Variants in RPAP2 observed in about 807,000 individuals in gnomAD.
RPAP2 encodes RNA polymerase II associated protein 2.
In RPAP2, 52 loss-of-function variants were observed where a neutral mutation model predicts 73.1. The observed-to-expected ratio is 0.71, with a 90% CI of 0.57 to 0.90. The LOEUF (loss-of-function observed/expected upper bound fraction) is 0.90. Ranked by LOEUF, RPAP2 falls within the 40% of genes least tolerant of loss-of-function variation. The pLI is 0.00. For synonymous variants in RPAP2, 225 were observed against 242.1 expected (o/e 0.93, Z 0.65); for missense variants, 598 against 701.8 (o/e 0.85, Z 1.67).
intron 5 of RPAP2, among the ~76,000 whole-genome samples, chr1:92,306,573 A>T (rs1211490806): frequency 6.6e-6 from 1 of 152,212 alleles, no homozygotes; most frequent in Non-Finnish European, 1.5e-5. Flanking sequence ...TTTTAAACAA[A>T]AGAAGTGGCT....
chr1:92,399,129 G>A lies in RPAP2; in HGVS notation c.*12118G>A, dbSNP rs981299580. The A allele has an allele frequency of 6.6e-6, 1 of 152,162 alleles. No homozygotes were observed. The highest frequency in any genetic ancestry group is 1.5e-5 in the Non-Finnish European group (1 of 68,034). 9.4% of individuals were successfully genotyped at this position (152,162 alleles called of 1,614,324 possible). Reference sequence around the variant, plus strand: ...TTAAATGAGCTGGCCTCACCTCTGGGGCCTATGAAGAAAAGCCTGCTTCAA... The same window carrying A: ...TTAAATGAGCTGGCCTCACCTCTGGAGCCTATGAAGAAAAGCCTGCTTCAA... On this transcript the variant is annotated 3_prime_UTR_variant, in exon 13 of 13. Transcript: ENST00000610020.
chr1:92,383,375 A>C (rs1026452429), intron 12 of RPAP2, among the ~76,000 whole-genome samples: 1 of 152,168 alleles, frequency 6.6e-6, no homozygotes, highest in African/African-American at 2.4e-5. Context: ...GGCCATTTTC[A>C]CGACATTGAT....
At chr1:92,362,599 C>T (rs961691352) in intron 11 of RPAP2, among the ~76,000 whole-genome samples, 6 of 152,108 alleles carry the variant, frequency 3.9e-5, no homozygotes, top group Non-Finnish European at 7.4e-5. Flanking sequence ...TTGAAAATTC[C>T]GAGTGCAGCA....
chr1:92,366,497 A>G (rs1160342414), intron 11 of RPAP2, among the ~76,000 whole-genome samples: 1 of 152,190 alleles, frequency 6.6e-6, no homozygotes, highest in African/African-American at 2.4e-5. Flanking sequence ...ACAGGGTGAC[A>G]GGTTCGTTCT....
chr1:92,302,259 A>T (rs1386157775), intron 3 of RPAP2, among the ~76,000 whole-genome samples: 2 of 151,968 alleles, frequency 1.3e-5, no homozygotes, highest in Middle Eastern at 3.2e-3. Context: ...TCTGGGCAAC[A>T]AGAGTGAGAC....
chr1:92,366,852 G>C (rs1387687723), intron 11 of RPAP2, among the ~76,000 whole-genome samples: 4 of 152,100 alleles, frequency 2.6e-5, no homozygotes, highest in African/African-American at 9.7e-5. Context: ...TTGACCCTTG[G>C]TGTTACTGGT....
At chr1:92,308,189 A>C (rs183531103) in intron 6 of RPAP2, among the ~76,000 whole-genome samples, 36 of 152,222 alleles carry the variant, frequency 2.4e-4, no homozygotes, top group Admixed American at 7.9e-4. Context: ...GATGGCAGAC[A>C]CCTCTGCCTG....
chr1:92,373,429 C>G (rs1179292776), intron 11 of RPAP2, among the ~76,000 whole-genome samples: 1 of 152,126 alleles, frequency 6.6e-6, no homozygotes, highest in African/African-American at 2.4e-5. Context: ...GGTTACTAAG[C>G]ATCCTCCATC....
At chr1:92,332,101 C>G (rs1433832142) in intron 8 of RPAP2, among the ~76,000 whole-genome samples, 1 of 151,488 alleles carries the variant, frequency 6.6e-6, no homozygotes, top group East Asian at 1.9e-4. Flanking sequence ...CATTCTGCCT[C>G]TTCTCTTTAG....
chr1:92,304,976 A>C (rs1372313301), intron 5 of RPAP2, among the ~76,000 whole-genome samples: 1 of 152,020 alleles, frequency 6.6e-6, no homozygotes, highest in Non-Finnish European at 1.5e-5. Flanking sequence ...CTCTACAAAA[A>C]GTACAAAAAT....
rs1460264882 is a variant in RPAP2, at chr1:92,388,579, G to T, written c.*1568G>T. The T allele has an allele frequency of 6.6e-6, 1 of 152,264 alleles. No homozygotes were observed. Among genetic ancestry groups the T allele is most frequent in the Non-Finnish European group, 1.5e-5 (1 of 68,084 alleles). 9.4% of individuals were successfully genotyped at this position (152,264 alleles called of 1,614,324 possible). ...CAAGGTGGGGCATCGCCTCACCTGG[G>T]AAGCGCCAAGGGGTCGGGGGATTTC... On this transcript the variant is annotated 3_prime_UTR_variant, in exon 13 of 13. Coordinates refer to ENST00000610020, the MANE Select transcript of RPAP2 (RefSeq NM_024813.3).
chr1:92,359,744 T>C (rs1179257031), intron 11 of RPAP2, among the ~76,000 whole-genome samples: 1 of 152,192 alleles, frequency 6.6e-6, no homozygotes, highest in African/African-American at 2.4e-5. Flanking sequence ...AGCTGAAGAA[T>C]GGTGATGAAA....
At chr1:92,380,651 C>A in intron 11 of RPAP2, 73 bp from the exon 12 acceptor site, 4 of 1,053,524 alleles carry the variant, frequency 3.8e-6, no homozygotes, top group Non-Finnish European at 5.2e-6. Flanking sequence ...ATTTTCTCTG[C>A]CATGTTGAAG....
In RPAP2 at chr1:92,390,761, C is replaced by T. The variant is rs1399213468; in HGVS notation, c.*3750C>T. ...GTTGCAATCCTAGTCTCTGATAAAA[C>T]AGACTTTAAACCAACAAAGATCAAA... On this transcript the variant is annotated 3_prime_UTR_variant, in exon 13 of 13. Transcript: ENST00000610020. 2.0e-5 allele frequency: 3 copies of T among 152,140 alleles called. No individual in the cohort carries two copies. The highest frequency in any genetic ancestry group is 7.2e-5 in the African/African-American group (3 of 41,426). 9.4% of individuals were successfully genotyped at this position (152,140 alleles called of 1,614,324 possible).
chr1:92,300,261 C>T lies in RPAP2; in HGVS notation c.119+22C>T. 4 of 1,581,738 alleles carry T rather than the reference C, an allele frequency of 2.5e-6. No individual in the cohort carries two copies. In the African/African-American group the frequency reaches 4.1e-5, roughly 16 times the overall value. On this transcript the variant is annotated intron_variant, in intron 2 of 12. Coordinates refer to ENST00000610020, the MANE Select transcript of RPAP2 (RefSeq NM_024813.3). ...AAAGGTATGACAGCTACATGGACAA[C>T]TACATTGGCATATCTACTTATCTTG...
intron 9 of RPAP2, 105 bp from the exon 10 acceptor site, chr1:92,336,242 A>AT (rs1653270041): frequency 1.4e-6 from 1 of 728,976 alleles, no homozygotes; most frequent in African/African-American, 1.8e-5. Context: ...GACTGCTTCC[A>AT]TCTAAATGCC....
chr1:92,304,023 G>T lies in RPAP2; in HGVS notation c.281G>T (p.Arg94Leu). 11 of 1,613,036 alleles carry T rather than the reference G, an allele frequency of 6.8e-6. No homozygotes were observed. The highest frequency in any genetic ancestry group is 9.3e-6 in the Non-Finnish European group (11 of 1,179,552). ...PAHYSDVVDE[R>L]SIVKLCGYPL... ...CACTACAGTGATGTCGTGGATGAAC[G>T]TTCTATTGTCAAACTCTGTGGTTAT... Residue 94 changes from arginine to leucine, a missense_variant, in exon 4 of 13, where the codon CGT (arginine) becomes CTT (leucine). By Grantham distance (102) the Arg-to-Leu change is moderately radical. This residue lies in a region of RPAP2 where 506 missense variants were observed against 612.8 expected (regional missense o/e 0.83). Transcript: ENST00000610020.
At chr1:92,355,891 G>A (rs1172030223) in intron 11 of RPAP2, among the ~76,000 whole-genome samples, 2 of 152,142 alleles carry the variant, frequency 1.3e-5, no homozygotes, top group African/African-American at 4.8e-5. Context: ...AAGCATTTTA[G>A]ATAAGGGATA....
intron 6 of RPAP2, among the ~76,000 whole-genome samples, chr1:92,316,620 T>G (rs1164342561): frequency 6.6e-6 from 1 of 152,206 alleles, no homozygotes; most frequent in African/African-American, 2.4e-5. Flanking sequence ...ATTCTTTAAC[T>G]AGGATGGTTA....
Sources: allele counts gnomAD v4.1 joint callset (sites outside exome capture counted in the v4.1 genomes callset), GRCh38; gene constraint gnomAD v4.1.1; regional missense constraint gnomAD v4.1.1; transcripts MANE v1.5; gene names NCBI Gene and HGNC (gene_info 2026-07-23, HGNC 2026-07-21).